The following SYT9 variants were observed in gnomAD, a reference collection of about 807,000 sequenced individuals.
SYT9 encodes the protein synaptotagmin-9.
A neutral mutation model predicts 48.4 loss-of-function variants in SYT9; 22 were observed. That is an observed-to-expected ratio of 0.45 (90% CI 0.32 to 0.65). The LOEUF is 0.65. SYT9 is among the 30% of genes least tolerant of loss of function. The probability of loss-of-function intolerance (pLI) is 0.03; values close to 1 mark genes in which losing one functional copy is unlikely to be tolerated. For synonymous variants in SYT9, 265 were observed against 245.0 expected, an observed-to-expected ratio of 1.08 and a Z score of -0.76; for missense variants, 577 against 622.0, an observed-to-expected ratio of 0.93 and a Z score of 0.77.
intron 3 of SYT9, among the ~76,000 whole-genome samples, chr11:7,334,338 C>T (rs1849596968): frequency 6.6e-6 from 1 of 152,052 alleles, no homozygotes; most frequent in South Asian, 2.1e-4. Context: ...ATCACTCTGG[C>T]TGCAGTGAGG....
upstream of SYT9, among the ~76,000 whole-genome samples, chr11:7,251,132 A>ACACACACC (rs146134507): frequency 4.5e-3 from 575 of 127,944 alleles, 4 homozygotes; most frequent in Middle Eastern, 0.025. Flanking sequence ...ACACACACAC[A>ACACACACC]CCCAGAGTAC....
At chr11:7,414,781 G>A (rs1847206693) in intron 3 of SYT9, among the ~76,000 whole-genome samples, 1 of 152,192 alleles carries the variant, frequency 6.6e-6, no homozygotes, top group Admixed American at 6.5e-5. Context: ...GGGAGGTTGG[G>A]CGAGGTGACC....
chr11:7,338,945 T>C (rs7123998), intron 3 of SYT9, among the ~76,000 whole-genome samples: 7 of 152,124 alleles, frequency 4.6e-5, no homozygotes, highest in African/African-American at 1.4e-4. Context: ...GTGGGGTGTT[T>C]AAGTCTCCCA....
chr11:7,272,968 T>C (rs922957822), intron 1 of SYT9, among the ~76,000 whole-genome samples: 4 of 152,210 alleles, frequency 2.6e-5, no homozygotes, highest in Non-Finnish European at 5.9e-5. Context: ...GTTGATGTAA[T>C]GACAGTTAAA....
intron 3 of SYT9, among the ~76,000 whole-genome samples, chr11:7,397,168 C>A (rs1379311207): frequency 6.6e-6 from 1 of 152,116 alleles, no homozygotes; most frequent in Non-Finnish European, 1.5e-5. Context: ...CCATTAAAAT[C>A]CTTCATACAA....
At chr11:7,437,221 C>CTT (rs1564903607) in intron 6 of SYT9, among the ~76,000 whole-genome samples, 1 of 152,154 alleles carries the variant, frequency 6.6e-6, no homozygotes, top group African/African-American at 2.4e-5. Flanking sequence ...TTCACAAAGA[C>CTT]TTTAGTGTTA....
intron 3 of SYT9, among the ~76,000 whole-genome samples, chr11:7,370,109 C>G (rs1192075891): frequency 6.6e-6 from 1 of 152,070 alleles, no homozygotes; most frequent in African/African-American, 2.4e-5. Context: ...CCTTTACGTC[C>G]TCATAGCTTA....
intron 3 of SYT9, among the ~76,000 whole-genome samples, chr11:7,392,246 C>G (rs1176949494): frequency 1.3e-5 from 2 of 152,088 alleles, no homozygotes; most frequent in East Asian, 3.9e-4. Flanking sequence ...TGAGGCCTTA[C>G]ATTAAATCTT....
rs1045486676 is a variant in SYT9, at chr11:7,313,538, G to C, written c.641G>C (p.Arg214Thr). 2 of 1,614,152 alleles carry C rather than the reference G, an allele frequency of 1.2e-6. No individual in the cohort carries two copies. Among genetic ancestry groups the C allele is most frequent in the South Asian group, 2.2e-5 (2 of 91,084 alleles). Residue 214 changes from arginine to threonine, a missense_variant, in exon 3 of 7, where the codon AGA becomes ACA. Physicochemically the swap from Arg to Thr is moderately conservative, Grantham distance 71. Transcript: ENST00000318881. ...AGGTCATTGGATAATGATGACGGGA[G>C]ACGGAGTAACAGCAAGGCTTGTGGG... ...KQRSLDNDDG[R>T]RSNSKACGKL...
At chr11:7,385,562 C>T (rs756062678) in intron 3 of SYT9, among the ~76,000 whole-genome samples, 13 of 152,034 alleles carry the variant, frequency 8.6e-5, no homozygotes, top group Non-Finnish European at 1.8e-4. Flanking sequence ...TGCCTATTAC[C>T]TGGGTGACAA....
intron 2 of SYT9, among the ~76,000 whole-genome samples, chr11:7,303,794 C>A (rs1426491973): frequency 6.6e-6 from 1 of 152,190 alleles, no homozygotes; most frequent in Admixed American, 6.5e-5. Flanking sequence ...ACACAAGAAT[C>A]TGAGCTCTTA....
chr11:7,255,140 T>C (rs184519480), intron 1 of SYT9, among the ~76,000 whole-genome samples: 167 of 152,358 alleles, frequency 1.1e-3, no homozygotes, highest in African/African-American at 3.9e-3. Flanking sequence ...AATGCTCTGT[T>C]GGTTGCCTTT....
intron 3 of SYT9, among the ~76,000 whole-genome samples, chr11:7,396,217 A>C (rs969400024): frequency 1.3e-5 from 2 of 152,126 alleles, no homozygotes; most frequent in Admixed American, 1.3e-4. Context: ...TGCCCTCTGC[A>C]ATCAATCTTT....
intron 6 of SYT9, among the ~76,000 whole-genome samples, chr11:7,452,098 TA>T (rs1196000381): frequency 8.8e-6 from 1 of 113,116 alleles, no homozygotes; most frequent in African/African-American, 3.7e-5. Context: ...CTGACAGCAT[TA>T]ATAGAGGTTT....
At position 7,352,426 on chromosome 11, in the gene SYT9, T is replaced by C. The variant is rs1003669205; in HGVS notation, c.1044+38485T>C. The stretch of plus-strand genomic sequence containing the variant: ...AGAAAGTTGTGCAGCAGATATTCAA[T>C]ACTGAAATCAACGAATGCACTTTAT... On this transcript the variant is annotated intron_variant, in intron 3 of 6. Transcript: ENST00000318881. Among the ~76,000 whole-genome samples, 12 of 152,174 alleles carry C rather than the reference T, an allele frequency of 7.9e-5. 1 individual carries two copies. The highest frequency in any genetic ancestry group is 7.2e-4 in the Admixed American group (11 of 15,274).
chr11:7,279,957 A>G (rs893483510), intron 1 of SYT9, among the ~76,000 whole-genome samples: 6 of 152,226 alleles, frequency 3.9e-5, no homozygotes, highest in African/African-American at 1.4e-4. Context: ...TGCATCAGGT[A>G]AAGACCTTAG....
chr11:7,263,884 G>A (rs190256896), intron 1 of SYT9, among the ~76,000 whole-genome samples: 49 of 152,032 alleles, frequency 3.2e-4, no homozygotes, highest in Non-Finnish European at 5.3e-4. Context: ...TTTGTGAAGG[G>A]AGAGGAGAGG....
chr11:7,387,083 G>C (rs1368220277), intron 3 of SYT9, among the ~76,000 whole-genome samples: 4 of 152,110 alleles, frequency 2.6e-5, no homozygotes, highest in Non-Finnish European at 5.9e-5. Flanking sequence ...TCACTCATAG[G>C]TTGGAATTGA....
intron 1 of SYT9, among the ~76,000 whole-genome samples, chr11:7,283,413 A>T (rs1385606909): frequency 6.6e-6 from 1 of 152,052 alleles, no homozygotes; most frequent in East Asian, 1.9e-4. Context: ...TTAATTTCTT[A>T]TTCTACTTTA....
Sources: gnomAD v4.1 joint callset for allele counts (sites outside exome capture counted in the v4.1 genomes callset) on GRCh38, gnomAD v4.1.1 for gene constraint, MANE v1.5 for transcripts, NCBI Gene and HGNC (gene_info 2026-07-23, HGNC 2026-07-21) for gene names.